The following RTL4 variants were observed in gnomAD, a reference collection of about 807,000 sequenced individuals.
The protein encoded by RTL4 is retrotransposon Gag like 4, also known as retrotransposon Gag-like protein 4.
Under a neutral mutation model 5.3 loss-of-function variants are expected in RTL4, and 4 were observed. The observed-to-expected ratio is 0.75, with a 90% CI of 0.37 to 1.72. The LOEUF (loss-of-function observed/expected upper bound fraction) is 1.72, where lower values mean the gene tolerates loss of function less well. Among genes scored for constraint, RTL4 ranks in the 40% most tolerant of loss-of-function variants. RTL4 has a pLI of 0.04. For synonymous variants in RTL4, 98 were observed against 87.3 expected, an observed-to-expected ratio of 1.12 and a Z score of -0.68; for missense variants, 260 against 227.1, an observed-to-expected ratio of 1.14 and a Z score of -0.93.
chrX:112,352,055 C>T, the RTL4 span, among the ~76,000 whole-genome samples: 1 of 111,303 alleles, frequency 9.0e-6, no homozygotes, highest in African/African-American at 3.3e-5. Flanking sequence ...TCTTTTATGG[C>T]AGGCCTGGTA....
At chrX:112,172,961 C>T in the RTL4 span, among the ~76,000 whole-genome samples, 1 of 99,323 alleles carries the variant, frequency 1.0e-5, no homozygotes, top group South Asian at 5.1e-4. Flanking sequence ...GCAATGAGAA[C>T]ACATGGACAC....
At chrX:112,175,084 T>G in the RTL4 span, among the ~76,000 whole-genome samples, 1 of 104,283 alleles carries the variant, frequency 9.6e-6, no homozygotes, top group Admixed American at 1.1e-4. Context: ...TTTAGTTTAA[T>G]TAGATCCCAT....
chrX:112,418,005 G>A, the RTL4 span, among the ~76,000 whole-genome samples: 1 of 110,398 alleles, frequency 9.1e-6, no homozygotes, highest in East Asian at 2.9e-4. Flanking sequence ...AAAATTAGCC[G>A]GGCGTGGTGG....
the RTL4 span, among the ~76,000 whole-genome samples, chrX:112,160,475 A>G: frequency 6.2e-5 from 7 of 112,257 alleles, no homozygotes; most frequent in African/African-American, 1.9e-4. Context: ...GAATACAGAG[A>G]TGTATGAGAT....
chrX:112,155,270 A>G, the RTL4 span, among the ~76,000 whole-genome samples: 6 of 110,236 alleles, frequency 5.4e-5, no homozygotes, highest in Non-Finnish European at 1.1e-4. Context: ...CTTACTGTGG[A>G]TATCTTATTC....
chrX:112,366,606 T>C, the RTL4 span, among the ~76,000 whole-genome samples: 2 of 112,130 alleles, frequency 1.8e-5, no homozygotes, highest in Non-Finnish European at 3.8e-5. Flanking sequence ...TAGGCTGCCT[T>C]TCCAGGCTTT....
the RTL4 span, among the ~76,000 whole-genome samples, chrX:112,329,547 C>T: frequency 9.1e-6 from 1 of 110,392 alleles, no homozygotes; most frequent in African/African-American, 3.3e-5. Flanking sequence ...AGTCCAGGAC[C>T]AGATGGATTC....
the RTL4 span, among the ~76,000 whole-genome samples, chrX:112,392,607 G>C: frequency 9.0e-6 from 1 of 111,293 alleles, no homozygotes; most frequent in African/African-American, 3.3e-5. Flanking sequence ...TCATGGAGCA[G>C]CAGTCCTGTG....
At chrX:112,175,081 T>G in the RTL4 span, among the ~76,000 whole-genome samples, 5 of 103,758 alleles carry the variant, frequency 4.8e-5, no homozygotes, top group East Asian at 3.1e-4. Context: ...CTCTTTAGTT[T>G]AATTAGATCC....
the RTL4 span, among the ~76,000 whole-genome samples, chrX:112,338,563 T>TCTA: frequency 1.8e-5 from 2 of 112,192 alleles, no homozygotes; most frequent in African/African-American, 6.5e-5. Context: ...TTACAAATCA[T>TCTA]CTATTAATTA....
chrX:112,242,883 G>A, the RTL4 span, among the ~76,000 whole-genome samples: 3 of 111,593 alleles, frequency 2.7e-5, no homozygotes, highest in East Asian at 5.6e-4. Context: ...CTAGTTTATT[G>A]AGAGTTTTCA....
chrX:112,376,771 A>G, the RTL4 span, among the ~76,000 whole-genome samples: 1 of 112,339 alleles, frequency 8.9e-6, no homozygotes, highest in Non-Finnish European at 1.9e-5. Flanking sequence ...ACTGGTGAAT[A>G]TATTCATTTC....
chrX:112,287,763 T>C, the RTL4 span, among the ~76,000 whole-genome samples: 1 of 111,702 alleles, frequency 9.0e-6, no homozygotes. Context: ...CAAGGTGATA[T>C]TAACTGTCAA....
At chrX:112,356,844 A>G in the RTL4 span, among the ~76,000 whole-genome samples, 2 of 111,645 alleles carry the variant, frequency 1.8e-5, no homozygotes. Flanking sequence ...ACCCTGGATC[A>G]TGTGTTCATC....
chrX:112,310,410 A>G, the RTL4 span, among the ~76,000 whole-genome samples: 1 of 22,503 alleles, frequency 4.4e-5, no homozygotes, highest in Non-Finnish European at 8.8e-5. Context: ...ATATATATAT[A>G]TATATTTAAT....
chrX:112,125,336 A>G, the RTL4 span, among the ~76,000 whole-genome samples: 1 of 111,647 alleles, frequency 9.0e-6, no homozygotes, highest in African/African-American at 3.3e-5. Context: ...TGCTTCCGTT[A>G]TCAGCTCACA....
chrX:112,098,564 A>C, the RTL4 span, among the ~76,000 whole-genome samples: 5 of 111,692 alleles, frequency 4.5e-5, no homozygotes, highest in African/African-American at 1.6e-4. Context: ...GAACTAGTTT[A>C]CAGTCCCACC....
the RTL4 span, among the ~76,000 whole-genome samples, chrX:112,102,301 C>T: frequency 9.0e-6 from 1 of 111,504 alleles, no homozygotes; most frequent in African/African-American, 3.3e-5. Flanking sequence ...GTCTAAATCA[C>T]CACATGTAAC....
the RTL4 span, among the ~76,000 whole-genome samples, chrX:112,148,715 G>A: frequency 1.7e-4 from 19 of 111,987 alleles, no homozygotes; most frequent in South Asian, 1.9e-3. Context: ...ATAGTTACTC[G>A]ATTTCTCTGA....
Sources: gnomAD v4.1 joint callset for allele counts (sites outside exome capture counted in the v4.1 genomes callset) on GRCh38, gnomAD v4.1.1 for gene constraint, MANE v1.5 for transcripts, NCBI Gene and HGNC (gene_info 2026-07-23, HGNC 2026-07-21) for gene names.